Variants in COG6 observed in about 807,000 individuals in gnomAD.
COG6 encodes the protein conserved oligomeric Golgi complex subunit 6.
COG6 carries 74 observed loss-of-function variants against 88.8 expected under a neutral mutation model. The ratio of observed to expected loss-of-function variants is 0.83; its 90% confidence interval spans 0.69 to 1.01. COG6 has a LOEUF of 1.01. COG6 is among the 50% of genes least tolerant of loss of function. The pLI is 0.00. For missense variants in COG6, 800 were observed against 797.9 expected, an observed-to-expected ratio of 1.00 and a Z score of -0.03; for synonymous variants, 286 against 278.7, an observed-to-expected ratio of 1.03 and a Z score of -0.26.
exon 19 of COG6, chr13:39,788,383 G>A: frequency 1.3e-6 from 2 of 1,550,800 alleles, no homozygotes; most frequent in South Asian, 2.4e-5. Context: ...GCAGGACCTT[G>A]TGCTTCTGGA....
downstream of COG6, among the ~76,000 whole-genome samples, chr13:39,757,622 C>G (rs1230269999): frequency 6.7e-6 from 1 of 149,786 alleles, no homozygotes; most frequent in Admixed American, 6.6e-5. Context: ...CATTACTGAA[C>G]TTACAGAAAT....
Position 39,672,733 on chromosome 13 carries a change from A to C in COG6, c.429-4735A>C, listed in dbSNP as rs758055144. ...TTTGTTTACAAGTTTTTGTGTGGGC[A>C]TGTTTTATTCCTCTTAGGTATATAT... On this transcript the variant is annotated intron_variant, in intron 4 of 18. Coordinates refer to ENST00000455146, the MANE Select transcript of COG6 (RefSeq NM_020751.3). 2.0e-5 allele frequency among the ~76,000 whole-genome samples: 3 copies of C among 152,018 alleles called. No homozygotes were observed. The East Asian group carries it at 5.8e-4, about 29-fold the overall frequency.
chr13:39,745,701 C>A (rs1880303759), intron 18 of COG6, among the ~76,000 whole-genome samples: 1 of 151,764 alleles, frequency 6.6e-6, no homozygotes, highest in African/African-American at 2.4e-5. Context: ...GGATCTAGAA[C>A]TAGTTTTTTG....
intron 14 of COG6, 143 bp downstream of exon 14, chr13:39,719,510 T>C (rs1230003421): frequency 5.6e-5 from 66 of 1,169,882 alleles, no homozygotes; most frequent in Non-Finnish European, 8.2e-5. Flanking sequence ...CCAGTTATCA[T>C]AACTTAAAAA....
chr13:39,774,460 T>C (rs1033270066), intron 18 of COG6, among the ~76,000 whole-genome samples: 2 of 152,230 alleles, frequency 1.3e-5, no homozygotes, highest in African/African-American at 2.4e-5. Flanking sequence ...CTGTGGACTT[T>C]TATGCTGGTT....
At chr13:39,709,981 ATTAT>A (rs941455990) in intron 13 of COG6, among the ~76,000 whole-genome samples, 22 of 152,110 alleles carry the variant, frequency 1.4e-4, no homozygotes, top group Admixed American at 3.9e-4. Flanking sequence ...TTTATTTTAG[ATTAT>A]TTATTTATTC....
intron 18 of COG6, among the ~76,000 whole-genome samples, chr13:39,737,671 G>A (rs1301732809): frequency 6.6e-6 from 1 of 151,922 alleles, no homozygotes; most frequent in Admixed American, 6.6e-5. Context: ...TGTCTCACTA[G>A]GTCACGTGCA....
chr13:39,720,789 T>C (rs953528442), intron 15 of COG6, among the ~76,000 whole-genome samples: 1 of 152,042 alleles, frequency 6.6e-6, no homozygotes, highest in Admixed American at 6.6e-5. Flanking sequence ...TTTTAGTTTT[T>C]TGTCTAATGT....
At chr13:39,767,550 C>T (rs1048778953) in intron 18 of COG6, among the ~76,000 whole-genome samples, 1 of 152,130 alleles carries the variant, frequency 6.6e-6, no homozygotes, top group Non-Finnish European at 1.5e-5. Flanking sequence ...TTATGTACCA[C>T]ATGTTAGCAA....
intron 18 of COG6, among the ~76,000 whole-genome samples, chr13:39,779,446 G>A (rs1195105574): frequency 6.6e-6 from 1 of 152,158 alleles, no homozygotes; most frequent in East Asian, 1.9e-4. Flanking sequence ...TTTTGCCTAG[G>A]CTGCAGATCC....
At chr13:39,670,188 G>A (rs1438759826) in intron 4 of COG6, among the ~76,000 whole-genome samples, 1 of 152,102 alleles carries the variant, frequency 6.6e-6, no homozygotes, top group Non-Finnish European at 1.5e-5. Context: ...CTGCAGGTTA[G>A]CATTTCCCCT....
intron 5 of COG6, chr13:39,677,987 C>T: frequency 2.5e-6 from 1 of 398,614 alleles, no homozygotes; most frequent in South Asian, 1.9e-5. Flanking sequence ...TCTGTCTCCT[C>T]CCCCAACACA....
At chr13:39,756,820 C>T (rs952025390), downstream of COG6, among the ~76,000 whole-genome samples, 3 of 152,184 alleles carry the variant, frequency 2.0e-5, no homozygotes, top group Non-Finnish European at 2.9e-5. Flanking sequence ...TTAAGACATT[C>T]CCAGATGAAC....
chr13:39,707,406 C>A (rs539653652), intron 13 of COG6, among the ~76,000 whole-genome samples: 26 of 152,306 alleles, frequency 1.7e-4, no homozygotes, highest in African/African-American at 5.8e-4. Flanking sequence ...GGATTACAGG[C>A]ATGAGCCACT....
At chr13:39,753,980 T>G (rs1255765305), downstream of COG6, among the ~76,000 whole-genome samples, 1 of 152,190 alleles carries the variant, frequency 6.6e-6, no homozygotes, top group Non-Finnish European at 1.5e-5. Context: ...TTTTCATCAG[T>G]GCTATATGTT....
intron 13 of COG6, among the ~76,000 whole-genome samples, chr13:39,704,374 AT>A (rs1877766746): frequency 6.6e-6 from 1 of 152,134 alleles, no homozygotes; most frequent in South Asian, 2.1e-4. Flanking sequence ...CAGTCAACTC[AT>A]TTTTTGTTGT....
At chr13:39,677,625 G>T (rs368456794) in intron 5 of COG6, 46 bp downstream of exon 5, 1 of 1,126,644 alleles carries the variant, frequency 8.9e-7, no homozygotes. Flanking sequence ...AGTAGTTACA[G>T]ATATTAGAGA....
chr13:39,694,249 A>T (rs1192528040), intron 11 of COG6, among the ~76,000 whole-genome samples: 2 of 151,864 alleles, frequency 1.3e-5, no homozygotes, highest in Non-Finnish European at 2.9e-5. Flanking sequence ...TTTCTTGAAT[A>T]TTTAGCAATA....
intron 18 of COG6, among the ~76,000 whole-genome samples, chr13:39,747,514 A>G (rs1002187383): frequency 6.6e-6 from 1 of 151,560 alleles, no homozygotes; most frequent in African/African-American, 2.4e-5. Context: ...CTTCTCCACC[A>G]TATGCATATT....
Sources: gnomAD v4.1 joint callset for allele counts (sites outside exome capture counted in the v4.1 genomes callset) on GRCh38, gnomAD v4.1.1 for gene constraint, MANE v1.5 for transcripts, NCBI Gene and HGNC (gene_info 2026-07-23, HGNC 2026-07-21) for gene names.